The following SMYD4 variants were observed in gnomAD, a reference collection of about 807,000 sequenced individuals.
The protein encoded by SMYD4 is SET and MYND domain containing 4, also known as protein-lysine N-methyltransferase SMYD4.
A neutral mutation model predicts 72.8 loss-of-function variants in SMYD4; 68 were observed. The observed-to-expected ratio is 0.93, with a 90% CI of 0.77 to 1.14. The LOEUF (loss-of-function observed/expected upper bound fraction) is 1.14. Among genes scored for constraint, SMYD4 ranks in the 50% most tolerant of loss-of-function variants. The probability of loss-of-function intolerance (pLI) is 0.00; values close to 1 mark genes in which losing one functional copy is unlikely to be tolerated. For missense variants in SMYD4, 984 were observed against 1,003.7 expected (o/e 0.98, Z 0.27); for synonymous variants, 407 against 388.6 (o/e 1.05, Z -0.56).
chr17:1,823,378 A>T (rs1910987660), intron 2 of SMYD4, among the ~76,000 whole-genome samples: 1 of 133,422 alleles, frequency 7.5e-6, no homozygotes, highest in Admixed American at 8.5e-5. Context: ...TGGGTGACAG[A>T]GCGAGACTCC....
At chr17:1,803,346 G>A (rs1199882842) in intron 4 of SMYD4, among the ~76,000 whole-genome samples, 3 of 152,146 alleles carry the variant, frequency 2.0e-5, no homozygotes, top group South Asian at 4.1e-4. Context: ...TCTTAAACAC[G>A]CTCTACTTAT....
At chr17:1,785,871 T>TG (rs886161134) in intron 7 of SMYD4, among the ~76,000 whole-genome samples, 17 of 152,244 alleles carry the variant, frequency 1.1e-4, no homozygotes, top group African/African-American at 4.1e-4. Context: ...CAACCGGCTC[T>TG]GCCTTTCACT....
chr17:1,829,181 A>G (rs1484865471), intron 1 of SMYD4, among the ~76,000 whole-genome samples: 1 of 152,048 alleles, frequency 6.6e-6, no homozygotes, highest in Non-Finnish European at 1.5e-5. Context: ...CCAGGACAAA[A>G]CCATCCTTAC....
chr17:1,815,769 G>A (rs187352682), intron 2 of SMYD4, among the ~76,000 whole-genome samples: 122 of 150,080 alleles, frequency 8.1e-4, no homozygotes, highest in African/African-American at 2.7e-3. Flanking sequence ...GTGTGATCTC[G>A]GCTCACTGCA....
At chr17:1,827,218 T>C (rs1389883340) in intron 2 of SMYD4, among the ~76,000 whole-genome samples, 2 of 151,298 alleles carry the variant, frequency 1.3e-5, no homozygotes, top group African/African-American at 4.9e-5. Context: ...GGTGTGCGAC[T>C]GTAATCCCAA....
At chr17:1,814,581 T>C (rs773011676) in intron 2 of SMYD4, 21 of 152,114 alleles carry the variant, frequency 1.4e-4, no homozygotes, top group Non-Finnish European at 2.5e-4. Context: ...ATCCCAGCAC[T>C]CTGGGAGGCC....
intron 2 of SMYD4, among the ~76,000 whole-genome samples, chr17:1,816,800 G>A (rs1475228780): frequency 6.6e-6 from 1 of 151,688 alleles, no homozygotes; most frequent in African/African-American, 2.4e-5. Context: ...GTTTTGGTGT[G>A]TGTTTCTCTG....
chr17:1,796,306 T>TTTTG (rs1227910620), intron 5 of SMYD4, among the ~76,000 whole-genome samples: 5 of 146,930 alleles, frequency 3.4e-5, no homozygotes, highest in African/African-American at 1.0e-4. Flanking sequence ...GCTGTTTTTT[T>TTTTG]TTTTTTTTTT....
At chr17:1,809,908 A>C (rs540947910) in intron 3 of SMYD4, among the ~76,000 whole-genome samples, 85 of 150,854 alleles carry the variant, frequency 5.6e-4, no homozygotes, top group African/African-American at 1.8e-3. Flanking sequence ...TGATCCACCC[A>C]CCTCGGCCTC....
rs1909691637 is a variant in SMYD4, at chr17:1,800,737, T to C, written c.657A>G (p.Ala219=). The change falls in exon 5 of 11, where the codon GCA becomes GCG. Residue 219 remains alanine, a synonymous_variant. Transcript: ENST00000305513. Reference sequence around the variant, plus strand: ...GTTGTTCATTCTCCTCCCTCAGCGCTGCATCCTCAAGGGTTTTGGCCAGAG... The same window carrying C: ...GTTGTTCATTCTCCTCCCTCAGCGCCGCATCCTCAAGGGTTTTGGCCAGAG... ...PAALAKTLED[A]ALREENEQLS... is the part of the protein sequence containing the mutation. The C allele has an allele frequency of 6.2e-7, 1 of 1,614,118 alleles. No homozygotes were observed. The highest frequency in any genetic ancestry group is 1.7e-5 in the Admixed American group (1 of 60,000).
chr17:1,807,846 T>C (rs1425674248), intron 3 of SMYD4, among the ~76,000 whole-genome samples: 1 of 152,182 alleles, frequency 6.6e-6, no homozygotes, highest in Non-Finnish European at 1.5e-5. Context: ...TCAACAGTGC[T>C]AGTTTATGGG....
Position 1,794,081 on chromosome 17 carries a change from G to GTGTATATATATA in SMYD4, c.1537+5775_1537+5776insTATATATATACA, listed in dbSNP as rs1454228796. ...TGTATATATATGTGTATATATATGT[G>GTGTATATATATA]TATATATATATATATATATATATAT... On this transcript the variant is annotated intron_variant, in intron 5 of 10. Coordinates refer to ENST00000305513, the MANE Select transcript of SMYD4 (RefSeq NM_052928.3). Among the ~76,000 whole-genome samples the GTGTATATATATA allele has an allele frequency of 5.8e-3, 100 of 17,100 alleles. 1 individual carries two copies. The highest frequency in any genetic ancestry group is 8.9e-3 in the Non-Finnish European group (81 of 9,090). The allele number at this position is 17,100 out of a possible 152,430, so 11.2% of individuals were successfully genotyped here. A position where few individuals can be genotyped will look rare whatever the true frequency, so the allele number is the denominator to read the frequency against.
Position 1,810,139 on chromosome 17 carries a change from G to T in SMYD4, c.279+1832C>A, listed in dbSNP as rs1910253391. The stretch of plus-strand genomic sequence containing the variant: ...TTCTATCAAGCTAACAGTCTCATCA[G>T]ACATTCAGACAAAAATGGCATGTAG... On this transcript the variant is annotated intron_variant, in intron 3 of 10. Transcript: ENST00000305513. Among the ~76,000 whole-genome samples, 5 of 152,122 alleles carry T rather than the reference G, an allele frequency of 3.3e-5. No homozygotes were observed. The South Asian group carries it at 1.0e-3, about 31-fold the overall frequency.
At chr17:1,810,200 G>A (rs1463333747) in intron 3 of SMYD4, among the ~76,000 whole-genome samples, 4 of 152,158 alleles carry the variant, frequency 2.6e-5, no homozygotes, top group African/African-American at 7.2e-5. Context: ...CAAGGCAGGC[G>A]AGGGGCCCAT....
chr17:1,825,507 CTTTCTTTTTTTT>C (rs1567790907), intron 2 of SMYD4, among the ~76,000 whole-genome samples: 1 of 131,594 alleles, frequency 7.6e-6, no homozygotes, highest in Non-Finnish European at 1.6e-5. Flanking sequence ...CTGTCATTTT[CTTTCTTTTTTTT>C]TTTTTTTTTT....
intron 7 of SMYD4, among the ~76,000 whole-genome samples, chr17:1,785,777 A>AAAAAAAAG (rs1567765247): frequency 5.7e-3 from 73 of 12,792 alleles, no homozygotes; most frequent in African/African-American, 0.017. Context: ...AAAAAAAAAG[A>AAAAAAAAG]AAAAAAAAAA....
At chr17:1,808,665 C>T (rs1910169970) in intron 3 of SMYD4, among the ~76,000 whole-genome samples, 1 of 152,200 alleles carries the variant, frequency 6.6e-6, no homozygotes, top group Non-Finnish European at 1.5e-5. Context: ...TCATCTCCCT[C>T]CACATTCAGA....
intron 2 of SMYD4, among the ~76,000 whole-genome samples, chr17:1,816,229 C>T (rs956391208): frequency 5.3e-5 from 8 of 152,150 alleles, no homozygotes; most frequent in Non-Finnish European, 8.8e-5. Context: ...TGTAATCATA[C>T]ATTACTTTTC....
At chr17:1,826,890 C>T (rs1274700777) in intron 2 of SMYD4, among the ~76,000 whole-genome samples, 1 of 152,124 alleles carries the variant, frequency 6.6e-6, no homozygotes, top group African/African-American at 2.4e-5. Context: ...GTGGCTCATG[C>T]CTGTAATCCC....
Sources: gnomAD v4.1 joint callset for allele counts (sites outside exome capture counted in the v4.1 genomes callset) on GRCh38, gnomAD v4.1.1 for gene constraint, MANE v1.5 for transcripts, NCBI Gene and HGNC (gene_info 2026-07-23, HGNC 2026-07-21) for gene names.